KLRG2: variants seen among roughly 807,000 people sequenced by gnomAD.
KLRG2 encodes the protein killer cell lectin-like receptor subfamily G member 2.
In KLRG2, 39 loss-of-function variants were observed where a neutral mutation model predicts 35.4. The observed-to-expected ratio is 1.10, with a 90% CI of 0.85 to 1.44. The LOEUF (loss-of-function observed/expected upper bound fraction) is 1.44. KLRG2 is among the 40% of genes most tolerant of loss of function. The probability of loss-of-function intolerance (pLI) is 0.00; values close to 1 mark genes in which losing one functional copy is unlikely to be tolerated. For synonymous variants in KLRG2, 283 were observed against 265.8 expected (o/e 1.06, Z -0.63); for missense variants, 632 against 570.9 (o/e 1.11, Z -1.09).
At chr7:139,468,263 C>T (rs1047849122) in intron 3 of KLRG2, among the ~76,000 whole-genome samples, 10 of 152,038 alleles carry the variant, frequency 6.6e-5, no homozygotes, top group Non-Finnish European at 1.2e-4. Context: ...GTCCCCTGGG[C>T]CCCCTTATTT....
At chr7:139,456,007 T>C (rs1192231426) in intron 3 of KLRG2, among the ~76,000 whole-genome samples, 1 of 151,806 alleles carries the variant, frequency 6.6e-6, no homozygotes, top group Admixed American at 6.6e-5. Context: ...AATGTAAATA[T>C]GAAATCATGC....
At chr7:139,436,133 C>T in the KLRG2 span, among the ~76,000 whole-genome samples, 60 of 152,122 alleles carry the variant, frequency 3.9e-4, no homozygotes, top group Non-Finnish European at 2.9e-5. Context: ...GAACTCCTGA[C>T]CTCGAGTGAT....
the KLRG2 span, among the ~76,000 whole-genome samples, chr7:139,431,688 G>A: frequency 6.6e-6 from 1 of 152,312 alleles, no homozygotes; most frequent in Non-Finnish European, 1.5e-5. Context: ...TTGAGTGTCA[G>A]TTTCAAACAA....
chr7:139,429,087 C>T, the KLRG2 span, among the ~76,000 whole-genome samples: 1 of 152,162 alleles, frequency 6.6e-6, no homozygotes, highest in Non-Finnish European at 1.5e-5. Context: ...GAGTGGATCA[C>T]GTGAGTTCAG....
intron 3 of KLRG2, among the ~76,000 whole-genome samples, chr7:139,474,644 C>T (rs184086423): frequency 1.3e-3 from 195 of 152,146 alleles, no homozygotes; most frequent in African/African-American, 4.4e-3. Flanking sequence ...GCCTGTAATT[C>T]CAACTACTTG....
At chr7:139,464,142 C>T (rs1263212161) in intron 3 of KLRG2, among the ~76,000 whole-genome samples, 1 of 152,132 alleles carries the variant, frequency 6.6e-6, no homozygotes, top group Non-Finnish European at 1.5e-5. Context: ...TTCAAAGCCT[C>T]CTTTGCATTC....
At chr7:139,429,532 G>C in the KLRG2 span, among the ~76,000 whole-genome samples, 1 of 151,830 alleles carries the variant, frequency 6.6e-6, no homozygotes, top group East Asian at 1.9e-4. Flanking sequence ...CTTCCGCAGT[G>C]TTTGTGTCCC....
At chr7:139,471,011 T>G (rs954664895) in intron 3 of KLRG2, among the ~76,000 whole-genome samples, 1 of 151,584 alleles carries the variant, frequency 6.6e-6, no homozygotes, top group Non-Finnish European at 1.5e-5. Context: ...CCTGGATAAT[T>G]TTTGTTTTTT....
rs112381135 is a variant in KLRG2 at position 139,462,669 on chromosome 7, C to T, written c.1006-8455G>A. ...ACAATGGTTCCAAATAGCCAGAAAA[C>T]GGCACTTTCGATTTCTCCATCCTAC... On this transcript the variant is annotated intron_variant, in intron 3 of 4. Transcript: ENST00000340940. Among the ~76,000 whole-genome samples the T allele has an allele frequency of 3.7e-3, 558 of 152,276 alleles. 2 individuals are homozygous for T. The highest frequency in any genetic ancestry group is 0.013 in the African/African-American group (522 of 41,562).
intron 4 of KLRG2, among the ~76,000 whole-genome samples, 190 bp from the exon 5 acceptor site, chr7:139,453,897 A>T (rs1185010456): frequency 6.6e-6 from 1 of 152,172 alleles, no homozygotes; most frequent in Non-Finnish European, 1.5e-5. Flanking sequence ...CCGCATCTGT[A>T]AAATGGGGGT....
the KLRG2 span, among the ~76,000 whole-genome samples, chr7:139,428,494 A>G: frequency 6.6e-6 from 1 of 152,132 alleles, no homozygotes; most frequent in Admixed American, 6.5e-5. Flanking sequence ...CCTGAGCTCA[A>G]GTGATCCTCC....
the KLRG2 span, among the ~76,000 whole-genome samples, chr7:139,434,792 G>T: frequency 6.6e-6 from 1 of 152,158 alleles, no homozygotes; most frequent in Non-Finnish European, 1.5e-5. Flanking sequence ...AGGAGCTAGG[G>T]TTTGAAAACA....
the KLRG2 span, among the ~76,000 whole-genome samples, chr7:139,436,684 GC>G: frequency 6.6e-6 from 1 of 152,208 alleles, no homozygotes; most frequent in Non-Finnish European, 1.5e-5. Flanking sequence ...CCTCTCTAAG[GC>G]CCTCCTGAGT....
Position 139,458,211 on chromosome 7 carries a change from C to G in KLRG2, c.1006-3997G>C, listed in dbSNP as rs141884717. On this transcript the variant is annotated intron_variant, in intron 3 of 4. Transcript: ENST00000340940. ...TGGGTAACATAGTGAGACCCTGTCTCTACAAAAAATACAAATATTAACCAG... is the reference window on the plus strand; with the variant it reads ...TGGGTAACATAGTGAGACCCTGTCTGTACAAAAAATACAAATATTAACCAG... Among the ~76,000 whole-genome samples, 905 of 152,018 alleles carry G rather than the reference C, an allele frequency of 6.0e-3. 4 individuals are homozygous for G. Among genetic ancestry groups the G allele is most frequent in the Non-Finnish European group, 0.011 (733 of 67,958 alleles).
the KLRG2 span, among the ~76,000 whole-genome samples, chr7:139,440,152 C>T: frequency 6.6e-6 from 1 of 152,182 alleles, no homozygotes; most frequent in Non-Finnish European, 1.5e-5. Context: ...CTCTGTCGCC[C>T]AGGCTGGAGT....
downstream of KLRG2, among the ~76,000 whole-genome samples, chr7:139,452,134 A>T (rs1265493128): frequency 6.6e-6 from 1 of 151,600 alleles, no homozygotes; most frequent in African/African-American, 2.4e-5. Flanking sequence ...ACGCCCAGCT[A>T]TTTTTTTGTG....
the KLRG2 span, among the ~76,000 whole-genome samples, chr7:139,444,354 T>C: frequency 7.5e-6 from 1 of 133,772 alleles, no homozygotes. Flanking sequence ...CTAATTTTTG[T>C]ATTTTTAGTA....
chr7:139,457,165 A>G (rs1796492414), intron 3 of KLRG2, among the ~76,000 whole-genome samples: 1 of 152,156 alleles, frequency 6.6e-6, no homozygotes, highest in Admixed American at 6.5e-5. Context: ...GGAACAGAGA[A>G]TGTACACTGG....
chr7:139,475,531 A>C (rs1480222725), intron 3 of KLRG2, among the ~76,000 whole-genome samples: 2 of 59,648 alleles, frequency 3.4e-5, no homozygotes, highest in Admixed American at 2.6e-4. Context: ...ACTCTATCTC[A>C]AAAAAAAAAA....
Sources: gnomAD v4.1 joint callset for allele counts (sites outside exome capture counted in the v4.1 genomes callset) on GRCh38, gnomAD v4.1.1 for gene constraint, MANE v1.5 for transcripts, NCBI Gene and HGNC (gene_info 2026-07-23, HGNC 2026-07-21) for gene names.